The following TRDN variants were observed in gnomAD, a reference collection of about 807,000 sequenced individuals.
TRDN encodes triadin, also known as triadin in skeletal muscle.
In TRDN, 161 loss-of-function variants were observed where a neutral mutation model predicts 149.7. That is an observed-to-expected ratio of 1.08 (90% CI 0.95 to 1.23). The LOEUF is 1.23. Ranked by LOEUF, TRDN falls within the 50% of genes most tolerant of loss-of-function variation. The pLI is 0.00. For synonymous variants in TRDN, 294 were observed against 250.5 expected (o/e 1.17, Z -1.64); for missense variants, 896 against 823.5 (o/e 1.09, Z -1.08).
intron 40 of TRDN, 130 bp from the exon 41 acceptor site, chr6:123,218,870 T>A: frequency 1.1e-6 from 1 of 902,408 alleles, no homozygotes; most frequent in Non-Finnish European, 1.7e-6. Context: ...GGCAAGTTAC[T>A]AAACTTCACT....
chr6:123,312,189 G>A lies in TRDN; in HGVS notation c.1510+4268C>T, dbSNP rs1778849359. The stretch of plus-strand genomic sequence containing the variant: ...AAAGTAAATGCTGGAAGAAGGATTG[G>A]TACTATCTAGAAACATTTTTGGAGA... On this transcript the variant is annotated intron_variant, in intron 24 of 40. Coordinates refer to ENST00000334268, the MANE Select transcript of TRDN (RefSeq NM_006073.4). 2.6e-5 allele frequency among the ~76,000 whole-genome samples: 4 copies of A among 151,880 alleles called. No homozygotes were observed. In the South Asian group the frequency reaches 8.3e-4, roughly 32 times the overall value.
intron 21 of TRDN, among the ~76,000 whole-genome samples, chr6:123,348,006 G>GA (rs1367136259): frequency 4.6e-5 from 7 of 151,984 alleles, no homozygotes; most frequent in African/African-American, 1.7e-4. Context: ...AAGAATTTTT[G>GA]ATCATGGAAT....
At chr6:123,324,353 G>A (rs867569922) in intron 23 of TRDN, among the ~76,000 whole-genome samples, 12 of 152,180 alleles carry the variant, frequency 7.9e-5, no homozygotes, top group Middle Eastern at 6.8e-3. Flanking sequence ...TGTGGTGCAT[G>A]CTTATAATTC....
intron 32 of TRDN, 42 bp downstream of exon 32, chr6:123,267,665 A>T: frequency 7.5e-7 from 1 of 1,326,384 alleles, no homozygotes; most frequent in Non-Finnish European, 1.0e-6. Flanking sequence ...TAATAAAAAT[A>T]GTGAACATAA....
At chr6:123,514,907 T>C (rs1460467148) in intron 6 of TRDN, among the ~76,000 whole-genome samples, 2 of 150,602 alleles carry the variant, frequency 1.3e-5, no homozygotes, top group Non-Finnish European at 3.0e-5. Context: ...GGGGGTAACA[T>C]CACACACTGG....
intron 38 of TRDN, among the ~76,000 whole-genome samples, chr6:123,241,494 T>A (rs537880084): frequency 6.6e-6 from 1 of 151,868 alleles, no homozygotes; most frequent in East Asian, 1.9e-4. Context: ...TCTATTATAC[T>A]CTAATATTGA....
At chr6:123,288,984 A>T (rs1353538913) in intron 24 of TRDN, among the ~76,000 whole-genome samples, 1 of 150,756 alleles carries the variant, frequency 6.6e-6, no homozygotes, top group African/African-American at 2.4e-5. Flanking sequence ...CTAAGTGTCC[A>T]TCAACAAATA....
At position 123,618,460 on chromosome 6, in the gene TRDN, C is replaced by A. The variant is rs569783674; in HGVS notation, c.22+18294G>T. 4.6e-5 allele frequency among the ~76,000 whole-genome samples: 7 copies of A among 152,312 alleles called. No homozygotes were observed. In the South Asian group the frequency reaches 1.5e-3, roughly 32 times the overall value. ...CTTCCGTGATTTTATTGGGCCCACCCAGATAATTCAGGGTCCTCTCTCCCG... is the reference window on the plus strand; with the variant it reads ...CTTCCGTGATTTTATTGGGCCCACCAAGATAATTCAGGGTCCTCTCTCCCG... On this transcript the variant is annotated intron_variant, in intron 1 of 40. Coordinates refer to ENST00000334268, the MANE Select transcript of TRDN (RefSeq NM_006073.4).
chr6:123,534,058 T>A (rs1780394408), intron 4 of TRDN, among the ~76,000 whole-genome samples: 1 of 152,058 alleles, frequency 6.6e-6, no homozygotes, highest in African/African-American at 2.4e-5. Context: ...ACAACCTCAC[T>A]GCTGTGGGCA....
At chr6:123,310,863 T>A (rs1444013684) in intron 24 of TRDN, among the ~76,000 whole-genome samples, 1 of 151,874 alleles carries the variant, frequency 6.6e-6, no homozygotes, top group Non-Finnish European at 1.5e-5. Context: ...AGAAAGAGAA[T>A]TGAGCCCCAG....
intron 10 of TRDN, among the ~76,000 whole-genome samples, chr6:123,455,947 G>A (rs1022148942): frequency 7.9e-5 from 12 of 152,066 alleles, no homozygotes; most frequent in African/African-American, 9.7e-5. Flanking sequence ...GCCTAGAAAC[G>A]TTAGAAAATT....
intron 9 of TRDN, among the ~76,000 whole-genome samples, chr6:123,492,675 T>C (rs1778272345): frequency 1.3e-5 from 2 of 152,114 alleles, no homozygotes; most frequent in African/African-American, 4.8e-5. Flanking sequence ...TTGGAATTAC[T>C]GGAAGGTTGA....
intron 34 of TRDN, 114 bp from the exon 35 acceptor site, chr6:123,259,776 G>T: frequency 1.4e-6 from 1 of 693,248 alleles, no homozygotes; most frequent in Non-Finnish European, 2.3e-6. Flanking sequence ...GAGGGAGTCA[G>T]GGCTCTCTCA....
chr6:123,224,276 C>A, intron 38 of TRDN, 145 bp from the exon 39 acceptor site: 1 of 691,414 alleles, frequency 1.4e-6, no homozygotes, highest in South Asian at 1.9e-5. Context: ...TAAGAGCTGT[C>A]TGACCAAAAC....
chr6:123,433,162 A>AT (rs796874348), intron 12 of TRDN, among the ~76,000 whole-genome samples: 3,232 of 79,602 alleles, frequency 0.041, 174 homozygotes, highest in African/African-American at 0.087. Flanking sequence ...ATATATATAT[A>AT]ATATATATAT....
At chr6:123,329,477 T>C (rs1413948333) in intron 23 of TRDN, among the ~76,000 whole-genome samples, 2 of 152,218 alleles carry the variant, frequency 1.3e-5, no homozygotes, top group African/African-American at 2.4e-5. Context: ...ACTGTTCCAA[T>C]ATGTGTGAGA....
chr6:123,470,722 G>C (rs1454053255), intron 9 of TRDN: 2 of 152,182 alleles, frequency 1.3e-5, no homozygotes, highest in Admixed American at 1.3e-4. Flanking sequence ...AACTGCTTTA[G>C]CATGATAGGA....
rs80304510 is a variant in TRDN at position 123,549,658 on chromosome 6, A to G, written c.233-1046T>C. Among the ~76,000 whole-genome samples the G allele has an allele frequency of 4.3e-3, 648 of 152,148 alleles. 6 individuals carry two copies. The highest frequency in any genetic ancestry group is 0.015 in the African/African-American group (606 of 41,532). On this transcript the variant is annotated intron_variant, in intron 2 of 40. Transcript: ENST00000334268. ...TTGAGCAGAAAGATGAAGTGATTTG[A>G]CTTCCTTTACTGTGTTGAAGTTTGA...
At chr6:123,418,483 A>G (rs929016562) in intron 12 of TRDN, 1 of 152,118 alleles carries the variant, frequency 6.6e-6, no homozygotes, top group African/African-American at 2.4e-5. Context: ...AACATAGGCA[A>G]TGATACCATA....
Sources: gnomAD v4.1 joint callset for allele counts (sites outside exome capture counted in the v4.1 genomes callset) on GRCh38, gnomAD v4.1.1 for gene constraint, MANE v1.5 for transcripts, NCBI Gene and HGNC (gene_info 2026-07-23, HGNC 2026-07-21) for gene names.